CYP3A43: variants seen among roughly 807,000 people sequenced by gnomAD.
CYP3A43 encodes the protein cytochrome P450 family 3 subfamily A member 43, also known as cytochrome P450 3A43.
Under a neutral mutation model 58.0 loss-of-function variants are expected in CYP3A43, and 45 were observed. The ratio of observed to expected loss-of-function variants is 0.78; its 90% CI spans 0.61 to 0.99. CYP3A43 has a LOEUF of 0.99. Ranked by LOEUF, CYP3A43 falls within the 50% of genes least tolerant of loss-of-function variation. The pLI, the probability that CYP3A43 is intolerant of heterozygous loss-of-function variation, is 0.00. For missense variants in CYP3A43, 593 were observed against 591.9 expected (o/e 1.00, Z -0.02); for synonymous variants, 191 against 201.4 (o/e 0.95, Z 0.44).
intron 2 of CYP3A43, 84 bp downstream of exon 2, chr7:99,836,630 G>A: frequency 9.8e-7 from 1 of 1,017,626 alleles, no homozygotes; most frequent in African/African-American, 1.6e-5. Flanking sequence ...CTCCTCCTCA[G>A]GAGGAATTTC....
rs185082916 is a variant in CYP3A43, at chr7:99,833,640, C to G, written c.72-2813C>G. Among the ~76,000 whole-genome samples the G allele has an allele frequency of 6.7e-4, 102 of 152,284 alleles. 1 individual carries two copies. Among genetic ancestry groups the G allele is most frequent in the African/African-American group, 2.4e-3 (100 of 41,550 alleles). On this transcript the variant is annotated intron_variant, in intron 1 of 12. Coordinates refer to ENST00000354829, the MANE Select transcript of CYP3A43 (RefSeq NM_057095.3). ...ACAACTCAGTTTCTGCTTACGCACT[C>G]TTTAATTTCTTTTAATTCCTGTTCC...
chr7:99,849,699 G>A lies in CYP3A43; in HGVS notation c.670+5G>A. ...ATCCCTTTTTACTCTTAATATGTAT[G>A]TGGACTTTTATGTTATTTCTCTCTC... On this transcript the variant is annotated splice_donor_5th_base_variant and intron_variant, in intron 7 of 12. Transcript: ENST00000354829. 6.3e-7 allele frequency: 1 copy of A among 1,574,874 alleles called. No individual in the cohort carries two copies. The highest frequency in any genetic ancestry group is 8.6e-7 in the Non-Finnish European group (1 of 1,167,396).
At chr7:99,846,019 C>T (rs1277600932) in intron 4 of CYP3A43, among the ~76,000 whole-genome samples, 2 of 152,170 alleles carry the variant, frequency 1.3e-5, no homozygotes, top group Non-Finnish European at 2.9e-5. Context: ...ACAGGTGATC[C>T]ACCTGCCTGG....
Position 99,859,921 on chromosome 7 carries a change from T to C in CYP3A43, c.957T>C (p.Tyr319=). The C allele has an allele frequency of 6.2e-7, 1 of 1,613,952 alleles. No individual in the cohort carries two copies. Among genetic ancestry groups the C allele is most frequent in the Non-Finnish European group, 8.5e-7 (1 of 1,179,938 alleles). ...TTSTTLPFIM[Y]ELATHPDVQQ... ...GCACCACTCTCCCCTTCATTATGTA[T>C]GAACTGGCCACTCACCCTGATGTCC... The change falls in exon 10 of 13, where the codon TAT becomes TAC. Residue 319 remains tyrosine, a synonymous_variant. Transcript: ENST00000354829.
intron 9 of CYP3A43, among the ~76,000 whole-genome samples, chr7:99,858,317 C>T (rs567903624): frequency 6.6e-6 from 1 of 152,290 alleles, no homozygotes; most frequent in East Asian, 1.9e-4. Context: ...ACCTTTCTCA[C>T]ACTCATCTTG....
intron 7 of CYP3A43, 134 bp downstream of exon 7, chr7:99,849,828 C>A: frequency 1.0e-6 from 1 of 960,258 alleles, no homozygotes; most frequent in Non-Finnish European, 1.5e-6. Flanking sequence ...GTTTTTGGTA[C>A]ATTTAAAGAT....
chr7:99,859,785 T>G, intron 9 of CYP3A43, 45 bp from the exon 10 acceptor site: 1 of 1,612,490 alleles, frequency 6.2e-7, no homozygotes, highest in Non-Finnish European at 8.5e-7. Context: ...ACTGTGATGC[T>G]CTACACTAAC....
chr7:99,832,997 C>T (rs917550358), intron 1 of CYP3A43, among the ~76,000 whole-genome samples: 6 of 152,146 alleles, frequency 3.9e-5, no homozygotes, highest in Non-Finnish European at 5.9e-5. Context: ...AATAGACATA[C>T]GTGAATGAAA....
chr7:99,834,471 A>G (rs369983870), intron 1 of CYP3A43, among the ~76,000 whole-genome samples: 21 of 152,200 alleles, frequency 1.4e-4, no homozygotes, highest in African/African-American at 5.1e-4. Flanking sequence ...TAGAGGAATT[A>G]GAAAGAAGGA....
chr7:99,831,239 TA>T (rs1218012527), intron 1 of CYP3A43, among the ~76,000 whole-genome samples: 2 of 152,232 alleles, frequency 1.3e-5, no homozygotes, highest in Non-Finnish European at 2.9e-5. Context: ...TCACATTTTA[TA>T]AGATTTATTT....
chr7:99,864,688 C>T (rs957328508), intron 12 of CYP3A43, among the ~76,000 whole-genome samples: 5 of 148,728 alleles, frequency 3.4e-5, no homozygotes, highest in Non-Finnish European at 7.3e-5. Context: ...TTGCAGAGGA[C>T]ATTATCCATT....
At chr7:99,830,909 T>A (rs1048010519) in intron 1 of CYP3A43, among the ~76,000 whole-genome samples, 2 of 152,222 alleles carry the variant, frequency 1.3e-5, no homozygotes, top group Non-Finnish European at 2.9e-5. Flanking sequence ...GTTACACAGA[T>A]CCGTTGAAGA....
chr7:99,847,724 CT>C, intron 5 of CYP3A43, 123 bp downstream of exon 5: 2 of 1,484,192 alleles, frequency 1.3e-6, no homozygotes, highest in Non-Finnish European at 1.8e-6. Flanking sequence ...TAAAAAGGGT[CT>C]TTTCAGCTGG....
In CYP3A43 at chr7:99,844,173, C is replaced by T; in HGVS notation, c.249C>T (p.Val83=). Residue 83 remains valine, a synonymous_variant, in exon 4 of 13, where the codon GTC becomes GTT. Transcript: ENST00000354829. ...GLYEGQQPML[V]IMDPDMIKTV... ...ATGAGGGGCAACAGCCCATGCTGGT[C>T]ATCATGGATCCCGACATGATCAAAA... The T allele has an allele frequency of 6.2e-7, 1 of 1,613,878 alleles. No homozygotes were observed. Among genetic ancestry groups the T allele is most frequent in the Non-Finnish European group, 8.5e-7 (1 of 1,179,962 alleles).
chr7:99,856,991 G>T, intron 9 of CYP3A43, 92 bp downstream of exon 9: 3 of 1,435,574 alleles, frequency 2.1e-6, no homozygotes, highest in Non-Finnish European at 2.9e-6. Flanking sequence ...CCAGGAAAAT[G>T]AGAATTTCTT....
At chr7:99,862,653 A>G (rs1335416575) in intron 11 of CYP3A43, among the ~76,000 whole-genome samples, 1 of 152,216 alleles carries the variant, frequency 6.6e-6, no homozygotes, top group Non-Finnish European at 1.5e-5. Context: ...CCATTTTGGA[A>G]AGGAAAATTT....
At chr7:99,833,312 G>C (rs769255820) in intron 1 of CYP3A43, among the ~76,000 whole-genome samples, 1 of 151,310 alleles carries the variant, frequency 6.6e-6, no homozygotes, top group Admixed American at 6.5e-5. Context: ...TACCTTTTAA[G>C]CATTTCGTGG....
chr7:99,847,389 A>G (rs1817576656), intron 4 of CYP3A43, 99 bp from the exon 5 acceptor site: 2 of 1,260,388 alleles, frequency 1.6e-6, no homozygotes, highest in South Asian at 2.9e-5. Flanking sequence ...TAGTTACTAA[A>G]TATTTGTTAA....
chr7:99,832,247 T>TAAA (rs111403180), intron 1 of CYP3A43, among the ~76,000 whole-genome samples: 1 of 141,538 alleles, frequency 7.1e-6, no homozygotes, highest in East Asian at 2.1e-4. Flanking sequence ...GTTCAAAAGA[T>TAAA]AAAAAAAAAA....
Sources: gnomAD v4.1 joint callset for allele counts (sites outside exome capture counted in the v4.1 genomes callset) on GRCh38, gnomAD v4.1.1 for gene constraint, MANE v1.5 for transcripts, NCBI Gene and HGNC (gene_info 2026-07-23, HGNC 2026-07-21) for gene names.